The following LRBA variants were observed in gnomAD, a reference collection of about 807,000 sequenced individuals.
LRBA encodes the protein lipopolysaccharide-responsive and beige-like anchor protein.
A neutral mutation model predicts 330.0 loss-of-function variants in LRBA; 176 were observed. The observed-to-expected ratio is 0.53, with a 90% confidence interval of 0.47 to 0.60. LRBA has a LOEUF of 0.60. Ranked by LOEUF, LRBA falls within the 20% of genes least tolerant of loss-of-function variation. The pLI is 0.00. For missense variants in LRBA, 3,259 were observed against 3,444.8 expected, an observed-to-expected ratio of 0.95 and a Z score of 1.35; for synonymous variants, 1,230 against 1,193.0, an observed-to-expected ratio of 1.03 and a Z score of -0.64.
At chr4:150,722,780 C>T (rs924097541) in intron 36 of LRBA, among the ~76,000 whole-genome samples, 1 of 151,888 alleles carries the variant, frequency 6.6e-6, no homozygotes, top group Non-Finnish European at 1.5e-5. Flanking sequence ...TTGTTTTTAA[C>T]TTCATATCAT....
At chr4:150,494,654 TG>T (rs1759359089) in intron 40 of LRBA, among the ~76,000 whole-genome samples, 1 of 152,200 alleles carries the variant, frequency 6.6e-6, no homozygotes, top group Admixed American at 6.5e-5. Flanking sequence ...CTTGAAACAC[TG>T]CAAGTGTCAT....
chr4:150,522,843 C>T (rs1287089134), intron 40 of LRBA, among the ~76,000 whole-genome samples: 1 of 152,188 alleles, frequency 6.6e-6, no homozygotes, highest in Non-Finnish European at 1.5e-5. Flanking sequence ...AGTCCCATGG[C>T]CAAGGCAGAA....
At chr4:150,544,426 A>G (rs1356861599) in intron 40 of LRBA, among the ~76,000 whole-genome samples, 2 of 151,990 alleles carry the variant, frequency 1.3e-5, no homozygotes, top group Non-Finnish European at 2.9e-5. Context: ...TCAACAAACT[A>G]TCTCTTTAAA....
intron 48 of LRBA, among the ~76,000 whole-genome samples, chr4:150,338,966 TAC>T (rs200463218): frequency 0.1 from 15,456 of 148,646 alleles, 1,212 homozygotes; most frequent in East Asian, 0.32. Context: ...TATTTAATTA[TAC>T]ACACACACAC....
chr4:150,807,377 G>A (rs903739198), intron 32 of LRBA, among the ~76,000 whole-genome samples: 1 of 152,062 alleles, frequency 6.6e-6, no homozygotes, highest in African/African-American at 2.4e-5. Context: ...TATCCCTGAA[G>A]AGTATCACAA....
At chr4:150,676,387 GGCAA>G (rs1782561051) in intron 37 of LRBA, among the ~76,000 whole-genome samples, 1 of 152,078 alleles carries the variant, frequency 6.6e-6, no homozygotes. Flanking sequence ...GTTACATGAA[GGCAA>G]GCGATATATT....
intron 36 of LRBA, among the ~76,000 whole-genome samples, chr4:150,711,144 T>C (rs1786154793): frequency 6.6e-6 from 1 of 152,230 alleles, no homozygotes; most frequent in East Asian, 1.9e-4. Context: ...GATATTTGTA[T>C]GCACAGAGAG....
At chr4:150,922,152 C>T (rs952593840) in intron 4 of LRBA, among the ~76,000 whole-genome samples, 2 of 152,176 alleles carry the variant, frequency 1.3e-5, no homozygotes, top group African/African-American at 4.8e-5. Context: ...TGAGCCACCA[C>T]ACCTGGCCAA....
At chr4:150,854,625 T>C (rs894282577) in intron 22 of LRBA, among the ~76,000 whole-genome samples, 1 of 152,174 alleles carries the variant, frequency 6.6e-6, no homozygotes, top group Non-Finnish European at 1.5e-5. Flanking sequence ...GTTCTGAAAG[T>C]CTAGGCGAGA....
intron 2 of LRBA, among the ~76,000 whole-genome samples, chr4:150,950,283 A>C (rs1736686515): frequency 6.6e-6 from 1 of 152,182 alleles, no homozygotes; most frequent in African/African-American, 2.4e-5. Flanking sequence ...CTTGAACTCA[A>C]ACATCATAGG....
Position 150,446,803 on chromosome 4 carries a change from C to G in LRBA, c.6781-9939G>C, listed in dbSNP as rs151182959. Among the ~76,000 whole-genome samples the G allele has an allele frequency of 5.3e-3, 803 of 152,296 alleles. 1 individual carries two copies. The highest frequency in any genetic ancestry group is 0.017 in the Middle Eastern group (5 of 294). On this transcript the variant is annotated intron_variant, in intron 44 of 56. Transcript: ENST00000651943. ...GGCGGATGAGATTCACAACTGCTAT[C>G]TAAAATTTACCTTATTTCTCTGTGC... is the stretch of plus-strand genomic sequence containing the variant.
At position 150,905,345 on chromosome 4, in the gene LRBA, G is replaced by A. The variant is rs376284677; in HGVS notation, c.1755+493C>T. ...ACTCAGTAGTTCATCATGTTGGAAGGCAAAAGTGTGAAGTAAAAAAGAGAG... is the reference window on the plus strand; with the variant it reads ...ACTCAGTAGTTCATCATGTTGGAAGACAAAAGTGTGAAGTAAAAAAGAGAG... On this transcript the variant is annotated intron_variant, in intron 13 of 56. Transcript: ENST00000651943. Among the ~76,000 whole-genome samples the A allele has an allele frequency of 2.9e-4, 44 of 151,942 alleles. 1 individual carries two copies. In the South Asian group the frequency reaches 9.2e-3, roughly 32 times the overall value.
intron 47 of LRBA, among the ~76,000 whole-genome samples, chr4:150,373,162 T>TGA (rs1385413027): frequency 1.9e-4 from 27 of 145,084 alleles, no homozygotes; most frequent in African/African-American, 6.5e-4. Context: ...TGTGTGTGTG[T>TGA]GTGTGTGTGT....
chr4:150,631,221 C>T (rs952253569), intron 37 of LRBA, among the ~76,000 whole-genome samples: 3 of 151,390 alleles, frequency 2.0e-5, no homozygotes, highest in Non-Finnish European at 4.4e-5. Context: ...ATAATATTAT[C>T]TATCTTATAA....
At chr4:150,815,308 C>A (rs1267515035) in intron 31 of LRBA, among the ~76,000 whole-genome samples, 1 of 148,386 alleles carries the variant, frequency 6.7e-6, no homozygotes, top group Non-Finnish European at 1.5e-5. Context: ...CGGAAATGTG[C>A]ATACCCAGCT....
At chr4:150,333,443 T>C (rs1219708601) in intron 48 of LRBA, among the ~76,000 whole-genome samples, 1 of 152,170 alleles carries the variant, frequency 6.6e-6, no homozygotes, top group Non-Finnish European at 1.5e-5. Context: ...ATATTAAAAC[T>C]TTCTCACATT....
intron 48 of LRBA, among the ~76,000 whole-genome samples, chr4:150,333,210 A>G (rs1243267673): frequency 6.6e-6 from 1 of 152,140 alleles, no homozygotes; most frequent in Non-Finnish European, 1.5e-5. Context: ...TACAGCACTT[A>G]GTAACCAACA....
chr4:150,535,718 AT>A (rs1227385182), intron 40 of LRBA, among the ~76,000 whole-genome samples: 3 of 152,182 alleles, frequency 2.0e-5, no homozygotes, highest in Non-Finnish European at 4.4e-5. Flanking sequence ...AACATTCTAC[AT>A]TTTCCTATGT....
At chr4:150,697,994 G>T (rs1465319842) in intron 36 of LRBA, among the ~76,000 whole-genome samples, 2 of 152,084 alleles carry the variant, frequency 1.3e-5, no homozygotes, top group East Asian at 1.9e-4. Context: ...ATATAAAAAG[G>T]TAAGTAGAAG....
Sources: allele counts gnomAD v4.1 joint callset (sites outside exome capture counted in the v4.1 genomes callset), GRCh38; gene constraint gnomAD v4.1.1; transcripts MANE v1.5; gene names NCBI Gene and HGNC (gene_info 2026-07-23, HGNC 2026-07-21).